FAM170A: variants seen among roughly 807,000 people sequenced by gnomAD.
The protein encoded by FAM170A is family with sequence similarity 170 member A.
FAM170A carries 28 observed loss-of-function variants against 36.6 expected under a neutral mutation model. That is an observed-to-expected ratio of 0.76 (90% CI 0.57 to 1.05). The LOEUF (loss-of-function observed/expected upper bound fraction) is 1.05, where lower values mean the gene tolerates loss of function less well. Among genes scored for constraint, FAM170A ranks in the 50% least tolerant of loss-of-function variants. The probability of loss-of-function intolerance (pLI) is 0.00; values close to 1 mark genes in which losing one functional copy is unlikely to be tolerated. For missense variants in FAM170A, 434 were observed against 396.5 expected, an observed-to-expected ratio of 1.09 and a Z score of -0.80; for synonymous variants, 156 against 143.9, an observed-to-expected ratio of 1.08 and a Z score of -0.60.
exon 3 of FAM170A, chr5:119,634,692 G>C (rs755110060): frequency 4.5e-6 from 7 of 1,560,806 alleles, no homozygotes; most frequent in Non-Finnish European, 6.1e-6. Flanking sequence ...AGATCCTGGA[G>C]CCAATGTCCA....
chr5:119,630,623 C>T (rs1243798256), intron 1 of FAM170A, among the ~76,000 whole-genome samples: 1 of 152,186 alleles, frequency 6.6e-6, no homozygotes, highest in Non-Finnish European at 1.5e-5. Context: ...CACTGGCACA[C>T]AGAAAGCCAA....
At chr5:119,631,308 G>A (rs1404458915) in intron 1 of FAM170A, among the ~76,000 whole-genome samples, 2 of 152,182 alleles carry the variant, frequency 1.3e-5, no homozygotes, top group Non-Finnish European at 2.9e-5. Flanking sequence ...GGCATGGAGA[G>A]CAGGGGGCTG....
chr5:119,634,853 G>C, intron 3 of FAM170A, 119 bp downstream of exon 3: 1 of 1,255,690 alleles, frequency 8.0e-7, no homozygotes, highest in Non-Finnish European at 1.1e-6. Flanking sequence ...TATTGGCTCA[G>C]GGAACAATGG....
chr5:119,629,920 C>G, intron 1 of FAM170A, 82 bp downstream of exon 1: 1 of 1,111,914 alleles, frequency 9.0e-7, no homozygotes, highest in South Asian at 1.3e-5. Context: ...GAGACGGAGT[C>G]TCGCTCTATC....
At chr5:119,630,149 C>CTT (rs35312547) in intron 1 of FAM170A, among the ~76,000 whole-genome samples, 54,904 of 84,962 alleles carry the variant, frequency 0.65, 20,010 homozygotes, top group South Asian at 0.73. Flanking sequence ...CCTCGGCCTC[C>CTT]TTTTTTTTTT....
At chr5:119,631,495 A>G (rs975051304) in intron 1 of FAM170A, among the ~76,000 whole-genome samples, 3 of 152,120 alleles carry the variant, frequency 2.0e-5, no homozygotes, top group Non-Finnish European at 4.4e-5. Context: ...TCCTATCACC[A>G]TGCCTGGGCC....
exon 1 of FAM170A, chr5:119,629,764 A>G (rs1231091157): frequency 1.1e-5 from 18 of 1,612,272 alleles, no homozygotes; most frequent in Non-Finnish European, 1.5e-5. Flanking sequence ...CTTCTAGCTG[A>G]TATCATGAAA....
intron 2 of FAM170A, 107 bp downstream of exon 2, chr5:119,632,995 A>C: frequency 1.5e-6 from 2 of 1,292,476 alleles, no homozygotes; most frequent in Non-Finnish European, 1.1e-6. Flanking sequence ...CTTTGGTTGC[A>C]GTGCTGCTTG....
intron 1 of FAM170A, 106 bp downstream of exon 1, chr5:119,629,944 T>C (rs1756205900): frequency 1.6e-5 from 13 of 806,728 alleles, no homozygotes; most frequent in Non-Finnish European, 2.6e-5. Context: ...CAGGCTGGAG[T>C]GCAGTGGCGC....
At chr5:119,629,697 G>A in exon 1 of FAM170A, 2 of 1,163,314 alleles carry the variant, frequency 1.7e-6, no homozygotes, top group Non-Finnish European at 2.6e-6. Context: ...TGAGAGCCAA[G>A]AAGGGCCAAT....
At chr5:119,634,365 C>T (rs1756329416) in exon 3 of FAM170A, 20 of 1,614,200 alleles carry the variant, frequency 1.2e-5, no homozygotes, top group Non-Finnish European at 1.7e-5. Flanking sequence ...CTGCCAGGCT[C>T]ACCCACCGTT....
At chr5:119,630,149 CTTT>C (rs35312547) in intron 1 of FAM170A, among the ~76,000 whole-genome samples, 2 of 85,238 alleles carry the variant, frequency 2.3e-5, no homozygotes, top group Admixed American at 1.5e-4. Flanking sequence ...CCTCGGCCTC[CTTT>C]TTTTTTTTTT....
chr5:119,632,865 C>G, exon 2 of FAM170A: 1 of 1,610,610 alleles, frequency 6.2e-7, no homozygotes, highest in Non-Finnish European at 8.5e-7. Context: ...TGCGTTTCTT[C>G]TTCACGCAAG....
intron 1 of FAM170A, among the ~76,000 whole-genome samples, chr5:119,631,670 A>T (rs1561523611): frequency 2.0e-5 from 3 of 151,886 alleles, no homozygotes; most frequent in African/African-American, 7.3e-5. Context: ...TCTATTACAT[A>T]CTCACACAAC....
chr5:119,634,536 C>T, exon 3 of FAM170A: 5 of 1,613,484 alleles, frequency 3.1e-6, no homozygotes, highest in Non-Finnish European at 4.2e-6. Flanking sequence ...TTTCATCTCA[C>T]CATGGCTCAG....
chr5:119,630,326 T>A (rs2443742), intron 1 of FAM170A, among the ~76,000 whole-genome samples: 1 of 83,518 alleles, frequency 1.2e-5, no homozygotes, highest in Non-Finnish European at 2.8e-5. Context: ...GGCTAATTTT[T>A]TTTTTTTTTT....
exon 3 of FAM170A, chr5:119,634,369 C>G (rs751566222): frequency 1.2e-6 from 2 of 1,614,218 alleles, no homozygotes; most frequent in East Asian, 4.5e-5. Flanking sequence ...CAGGCTCACC[C>G]ACCGTTGAGG....
rs1318683383 is a variant in FAM170A at position 119,633,541 on chromosome 5, C to G, written c.212-419C>G. Among the ~76,000 whole-genome samples the G allele has an allele frequency of 2.0e-5, 3 of 152,104 alleles. No homozygotes were observed. In the East Asian group the frequency reaches 5.8e-4, roughly 29 times the overall value. On this transcript the variant is annotated intron_variant, in intron 2 of 4. Coordinates refer to ENST00000613773, the Ensembl canonical transcript of FAM170A. ...CACTGCAGCGGGACTCTAGCTCAGG[C>G]CCACACACCTCACACATACAGCCAC...
At chr5:119,629,691 A>G in exon 1 of FAM170A, 1 of 1,073,586 alleles carries the variant, frequency 9.3e-7, no homozygotes, top group Non-Finnish European at 1.4e-6. Context: ...ATTTCCTGAG[A>G]GCCAAGAAGG....
Sources: allele counts gnomAD v4.1 joint callset (sites outside exome capture counted in the v4.1 genomes callset), GRCh38; gene constraint gnomAD v4.1.1; transcripts MANE v1.5; gene names NCBI Gene and HGNC (gene_info 2026-07-23, HGNC 2026-07-21).